Variants in RADIL observed in about 807,000 individuals in gnomAD.
RADIL encodes the protein ras-associating and dilute domain-containing protein.
RADIL carries 99 observed loss-of-function variants against 97.6 expected under a neutral mutation model. That is an observed-to-expected ratio of 1.01 (90% CI 0.86 to 1.20). The LOEUF (loss-of-function observed/expected upper bound fraction) is 1.20, where lower values mean the gene tolerates loss of function less well. RADIL is among the 50% of genes most tolerant of loss of function. RADIL has a pLI of 0.00. For synonymous variants in RADIL, 803 were observed against 691.8 expected (o/e 1.16, Z -2.52); for missense variants, 1,765 against 1,498.9 (o/e 1.18, Z -2.93).
intron 11 of RADIL, among the ~76,000 whole-genome samples, chr7:4,802,240 C>G (rs952235560): frequency 4.6e-5 from 7 of 152,232 alleles, no homozygotes; most frequent in African/African-American, 1.7e-4. Context: ...GCCCCCAGCC[C>G]AGCTTCCAAC....
At chr7:4,869,054 G>A (rs1303891387) in intron 2 of RADIL, among the ~76,000 whole-genome samples, 1 of 152,240 alleles carries the variant, frequency 6.6e-6, no homozygotes, top group Non-Finnish European at 1.5e-5. Flanking sequence ...CTGAACCCGA[G>A]AAGTGGAGGT....
chr7:4,852,676 G>T (rs1783737718), intron 2 of RADIL, among the ~76,000 whole-genome samples: 1 of 152,130 alleles, frequency 6.6e-6, no homozygotes, highest in Admixed American at 6.5e-5. Flanking sequence ...CAGAGTGGCT[G>T]GGATTACAGG....
chr7:4,870,727 AGC>A (rs1784233046), intron 2 of RADIL, among the ~76,000 whole-genome samples: 1 of 152,196 alleles, frequency 6.6e-6, no homozygotes, highest in Non-Finnish European at 1.5e-5. Context: ...TACAGGCGTG[AGC>A]CACCGTGCCC....
At position 4,817,455 on chromosome 7, in the gene RADIL, C is replaced by G. The variant is rs1057385168; in HGVS notation, c.1616-104G>C. 2.0e-6 allele frequency: 2 copies of G among 986,650 alleles called. No homozygotes were observed. The highest frequency in any genetic ancestry group is 3.0e-6 in the Non-Finnish European group (2 of 670,668). 61.1% of individuals were successfully genotyped at this position (986,650 alleles called of 1,614,324 possible). A position where few individuals can be genotyped will look rare whatever the true frequency, so the allele number is the denominator to read the frequency against. Reference sequence around the variant, plus strand: ...TTTCCCTGGCGCGGGCACCACCCAACGCGCCCATCTGGGGTCCAGATGCGA... The same window carrying G: ...TTTCCCTGGCGCGGGCACCACCCAAGGCGCCCATCTGGGGTCCAGATGCGA... On this transcript the variant is annotated intron_variant, in intron 6 of 14. Coordinates refer to ENST00000399583, the MANE Select transcript of RADIL (RefSeq NM_018059.5). The surrounding 1 kb of genome is among the most constrained non-coding windows in gnomAD (Gnocchi z 8.3).
At chr7:4,810,337 T>A (rs1782505308) in intron 9 of RADIL, among the ~76,000 whole-genome samples, 2 of 151,964 alleles carry the variant, frequency 1.3e-5, no homozygotes, top group Non-Finnish European at 1.5e-5. Flanking sequence ...AAAAAATTTA[T>A]GTTTGGAAAG....
intron 2 of RADIL, among the ~76,000 whole-genome samples, chr7:4,877,181 G>A (rs1784393991): frequency 6.6e-6 from 1 of 152,196 alleles, no homozygotes; most frequent in African/African-American, 2.4e-5. Flanking sequence ...TGAAAGTGGT[G>A]AGTTTAAGAG....
intron 5 of RADIL, among the ~76,000 whole-genome samples, chr7:4,831,577 C>CAAAAAAAAAAA (rs397889423): frequency 1.3e-5 from 1 of 77,868 alleles, no homozygotes; most frequent in Non-Finnish European, 2.6e-5. Flanking sequence ...TGAAGATTCT[C>CAAAAAAAAAAA]AAAAAAAAAA....
intron 2 of RADIL, among the ~76,000 whole-genome samples, chr7:4,848,878 C>T (rs575456942): frequency 1.3e-5 from 2 of 152,318 alleles, no homozygotes; most frequent in African/African-American, 2.4e-5. Context: ...GTGGCTCACA[C>T]CTGTAATCCC....
chr7:4,865,801 A>G (rs1784118702), intron 2 of RADIL: 2 of 840,978 alleles, frequency 2.4e-6, no homozygotes, highest in Non-Finnish European at 4.1e-6. Context: ...CACAGGAGCC[A>G]TGGCAGCAGC....
chr7:4,868,080 T>G (rs997516133), intron 2 of RADIL, among the ~76,000 whole-genome samples: 3 of 152,292 alleles, frequency 2.0e-5, no homozygotes, highest in Middle Eastern at 3.4e-3. Context: ...TTTTTTTTTC[T>G]GAGATGGAGT....
intron 5 of RADIL, among the ~76,000 whole-genome samples, chr7:4,823,331 CTT>C (rs60439750): frequency 2.1e-3 from 272 of 129,496 alleles, no homozygotes; most frequent in African/African-American, 3.9e-3. Flanking sequence ...TATTAAAAAC[CTT>C]TTTTTTTTTT....
rs550990737 is a variant in RADIL, at chr7:4,865,638, G to C, written c.535+11967C>G. The C allele has an allele frequency of 2.0e-4, 176 of 888,110 alleles. No individual in the cohort carries two copies. The African/African-American group carries it at 2.7e-3, about 14-fold the overall frequency. 55.0% of individuals were successfully genotyped at this position (888,110 alleles called of 1,614,324 possible). The stretch of plus-strand genomic sequence containing the variant: ...TCGATGGTCACCACCCCTCCACCAA[G>C]GTTCCCAGCTTTTCCATTCACTTTG... On this transcript the variant is annotated intron_variant, in intron 2 of 14. Coordinates refer to ENST00000399583, the MANE Select transcript of RADIL (RefSeq NM_018059.5).
chr7:4,862,892 T>C (rs996809817), intron 2 of RADIL, among the ~76,000 whole-genome samples: 6 of 133,958 alleles, frequency 4.5e-5, no homozygotes, highest in African/African-American at 1.9e-4. Context: ...AGTGAAACTC[T>C]GTCTCAAAAA....
chr7:4,871,115 T>C (rs1168019670), intron 2 of RADIL, among the ~76,000 whole-genome samples: 1 of 152,216 alleles, frequency 6.6e-6, no homozygotes, highest in Admixed American at 6.5e-5. Flanking sequence ...TGGGGTTGTT[T>C]TGCTTTTAGC....
rs1289055198 is a variant in RADIL at position 4,877,613 on chromosome 7, A to G, written c.527T>C (p.Ile176Thr). 1 of 1,597,576 alleles carries G rather than the reference A, an allele frequency of 6.3e-7. No homozygotes were observed. The highest frequency in any genetic ancestry group is 8.5e-7 in the Non-Finnish European group (1 of 1,172,782). Residue 176 changes from isoleucine (I) to threonine (T), a missense_variant, in exon 2 of 15, where the codon ATC becomes ACC. Transcript: ENST00000399583. ...EELAAKEVDT[I>T]TAGINAQARR... is the part of the protein sequence containing the mutation. The stretch of plus-strand genomic sequence containing the variant: ...CCTGTGGCCCCCCTCACCTGCCGTG[A>G]TGGTGTCCACCTCCTTGGCTGCCAG...
rs776492441 is a variant in RADIL at position 4,817,207 on chromosome 7, C to T, written c.1728+32G>A. On this transcript the variant is annotated intron_variant, in intron 7 of 14. Transcript: ENST00000399583. The surrounding 1 kb of genome is among the most constrained non-coding windows in gnomAD (Gnocchi z 8.3). The stretch of plus-strand genomic sequence containing the variant: ...GAGCCCCACTTGATCCCAGGAGCTG[C>T]CTGAGTGCAGAAGCAGAGCCCGTCC... The T allele has an allele frequency of 2.2e-5, 35 of 1,578,056 alleles. No individual in the cohort carries two copies. In the Admixed American group the frequency reaches 2.2e-4, roughly 10 times the overall value.
rs201029653 is a variant in RADIL, at chr7:4,813,074, T to TTCTCTCTC, written c.2139+2196_2139+2203dup. On this transcript the variant is annotated intron_variant, in intron 9 of 14. Transcript: ENST00000399583. This position sits in a 1 kb window ranked among gnomAD's most constrained non-coding sequence, Gnocchi z 5.0. ...TTCATCCTTACCCCAAGGTTCTTCT[T>TTCTCTCTC]TCTCTCTCTCTCTCTCTCTCTCTCT... Among the ~76,000 whole-genome samples, 4 of 147,704 alleles carry TTCTCTCTC rather than the reference T, an allele frequency of 2.7e-5. No individual in the cohort carries two copies. Among genetic ancestry groups the TTCTCTCTC allele is most frequent in the African/African-American group, 5.0e-5 (2 of 39,766 alleles).
intron 1 of RADIL, chr7:4,882,299 G>C (rs958704073): frequency 2.0e-5 from 3 of 152,226 alleles, no homozygotes; most frequent in African/African-American, 7.2e-5. Context: ...AAATCCGACC[G>C]GGCGGAGCAC....
In RADIL at chr7:4,871,643, A is replaced by G. The variant is rs73673922; in HGVS notation, c.535+5962T>C. The stretch of plus-strand genomic sequence containing the variant: ...CCTCTGTCGCTCAAGCCACATCCAC[A>G]CTCCTGGACGGCCACACCATCCCCA... On this transcript the variant is annotated intron_variant, in intron 2 of 14. Transcript: ENST00000399583. Among the ~76,000 whole-genome samples the G allele has an allele frequency of 7.9e-3, 1,199 of 151,976 alleles. 13 individuals are homozygous for G. Among genetic ancestry groups the G allele is most frequent in the African/African-American group, 0.028 (1,143 of 41,454 alleles).
Sources: allele counts gnomAD v4.1 joint callset (sites outside exome capture counted in the v4.1 genomes callset), GRCh38; gene constraint gnomAD v4.1.1; non-coding constraint Gnocchi (gnomAD v3.1); transcripts MANE v1.5; gene names NCBI Gene and HGNC (gene_info 2026-07-23, HGNC 2026-07-21).